The following PRKN variants were observed in gnomAD, a reference collection of about 807,000 sequenced individuals.
PRKN encodes parkin RBR E3 ubiquitin protein ligase.
A neutral mutation model predicts 59.5 loss-of-function variants in PRKN; 56 were observed. The ratio of observed to expected loss-of-function variants is 0.94; its 90% CI spans 0.76 to 1.18. PRKN has a LOEUF of 1.18. PRKN is among the 50% of genes most tolerant of loss of function. The pLI is 0.00. For missense variants in PRKN, 657 were observed against 596.4 expected, an observed-to-expected ratio of 1.10 and a Z score of -1.06; for synonymous variants, 250 against 222.1, an observed-to-expected ratio of 1.13 and a Z score of -1.12.
chr6:162,514,956 T>C (rs1051465673), intron 1 of PRKN, among the ~76,000 whole-genome samples: 7 of 152,114 alleles, frequency 4.6e-5, no homozygotes, highest in African/African-American at 1.4e-4. Flanking sequence ...TGTTTAAAAT[T>C]GCAAAATTGC....
intron 4 of PRKN, among the ~76,000 whole-genome samples, chr6:162,073,997 A>G (rs1339635536): frequency 6.6e-6 from 1 of 151,388 alleles, no homozygotes; most frequent in Non-Finnish European, 1.5e-5. Context: ...GCTGGAGAGG[A>G]TGTGGAGAAA....
intron 6 of PRKN, among the ~76,000 whole-genome samples, chr6:161,790,187 G>A (rs564386611): frequency 3.3e-5 from 5 of 152,314 alleles, no homozygotes; most frequent in Non-Finnish European, 1.5e-5. Flanking sequence ...AAAGAAACGG[G>A]AGGATTGATG....
At chr6:162,525,898 G>C (rs1778259954) in intron 1 of PRKN, among the ~76,000 whole-genome samples, 1 of 152,030 alleles carries the variant, frequency 6.6e-6, no homozygotes, top group Non-Finnish European at 1.5e-5. Flanking sequence ...CCATTGCCCA[G>C]GCTGGAGTGC....
intron 4 of PRKN, among the ~76,000 whole-genome samples, chr6:162,176,929 CT>C (rs5881458): frequency 1.5e-4 from 22 of 145,674 alleles, no homozygotes; most frequent in East Asian, 1.0e-3. Flanking sequence ...AATGAAATTC[CT>C]TTTTTTTTTT....
chr6:162,252,118 G>C (rs1779459839), intron 3 of PRKN, among the ~76,000 whole-genome samples: 1 of 152,178 alleles, frequency 6.6e-6, no homozygotes, highest in Non-Finnish European at 1.5e-5. Context: ...GAAGAAGCAA[G>C]TGTGCATAAA....
chr6:161,796,933 C>A (rs1489685737), intron 6 of PRKN, among the ~76,000 whole-genome samples: 3 of 152,218 alleles, frequency 2.0e-5, no homozygotes, highest in African/African-American at 7.2e-5. Flanking sequence ...ACTGCAAAAG[C>A]ATTCTGCTAA....
intron 3 of PRKN, among the ~76,000 whole-genome samples, chr6:162,246,940 G>A (rs560374357): frequency 3.9e-5 from 6 of 152,184 alleles, no homozygotes; most frequent in Admixed American, 3.9e-4. Flanking sequence ...TAGGTAATTT[G>A]TATTAAGGCT....
Position 161,395,888 on chromosome 6 carries a change from C to G in PRKN, c.1084-9011G>C, listed in dbSNP as rs544508764. Among the ~76,000 whole-genome samples the G allele has an allele frequency of 1.3e-5, 2 of 152,292 alleles. No homozygotes were observed. Among genetic ancestry groups the G allele is most frequent in the South Asian group, 4.1e-4 (2 of 4,828 alleles). The stretch of plus-strand genomic sequence containing the variant: ...ATCTGGCCCGCCTGCCAGGAAAGGA[C>G]TTGTAATGAATTTAAGCTCAGCGGC... On this transcript the variant is annotated intron_variant, in intron 9 of 11. Coordinates refer to ENST00000366898, the MANE Select transcript of PRKN (RefSeq NM_004562.3). This position sits in a 1 kb window ranked among gnomAD's most constrained non-coding sequence, Gnocchi z 5.0.
chr6:162,636,254 GA>G (rs34689944), intron 1 of PRKN, among the ~76,000 whole-genome samples: 95,091 of 149,012 alleles, frequency 0.64, 31,163 homozygotes, highest in African/African-American at 0.82. Flanking sequence ...CAAGTCAGTA[GA>G]AAAAAAAAAA....
At chr6:162,409,249 C>T (rs907349908) in intron 2 of PRKN, among the ~76,000 whole-genome samples, 4 of 151,926 alleles carry the variant, frequency 2.6e-5, no homozygotes, top group African/African-American at 9.7e-5. Context: ...ATGACAGCCT[C>T]AAACTCCTGG....
intron 1 of PRKN, among the ~76,000 whole-genome samples, chr6:162,514,844 C>T (rs1213574666): frequency 6.6e-6 from 1 of 152,012 alleles, no homozygotes; most frequent in African/African-American, 2.4e-5. Flanking sequence ...TAAAATTAGA[C>T]TAAAACTATA....
intron 3 of PRKN, among the ~76,000 whole-genome samples, chr6:162,261,257 A>G (rs780286401): frequency 6.6e-6 from 1 of 152,154 alleles, no homozygotes; most frequent in Non-Finnish European, 1.5e-5. Context: ...TTTCCCTTAC[A>G]AAAGGGTCAC....
At chr6:161,408,436 A>C (rs1787377784) in intron 9 of PRKN, among the ~76,000 whole-genome samples, 1 of 150,672 alleles carries the variant, frequency 6.6e-6, no homozygotes, top group Admixed American at 6.6e-5. Context: ...TGAGTCAAAA[A>C]TCCCATGTCC....
Position 162,498,508 on chromosome 6 carries a change from C to T in PRKN, c.8-55035G>A, listed in dbSNP as rs1164453172. On this transcript the variant is annotated intron_variant, in intron 1 of 11. Transcript: ENST00000366898. ...TTGCCCAGGCTGGAGTGCAATGGTG[C>T]GATCTCGGTTGACTGCAACCTCTGC... Among the ~76,000 whole-genome samples the T allele has an allele frequency of 1.7e-4, 21 of 121,850 alleles. No individual in the cohort carries two copies. In the East Asian group the frequency reaches 2.4e-3, roughly 14 times the overall value. 79.9% of individuals were successfully genotyped at this position (121,850 alleles called of 152,430 possible).
chr6:161,411,539 A>G (rs1027888918), intron 9 of PRKN, among the ~76,000 whole-genome samples: 2 of 152,164 alleles, frequency 1.3e-5, no homozygotes, highest in African/African-American at 4.8e-5. Context: ...TCTGGGGGCC[A>G]TGGCGACAGG....
chr6:162,136,476 A>C (rs1240652766), intron 4 of PRKN, among the ~76,000 whole-genome samples: 1 of 152,206 alleles, frequency 6.6e-6, no homozygotes, highest in African/African-American at 2.4e-5. Context: ...GCTAAGCGAT[A>C]TGTGTTGGCT....
intron 1 of PRKN, among the ~76,000 whole-genome samples, chr6:162,584,407 A>ACT (rs1299653921): frequency 1.3e-5 from 2 of 152,046 alleles, no homozygotes; most frequent in African/African-American, 2.4e-5. Flanking sequence ...TGAGAGGAAC[A>ACT]CTCTGTACAT....
rs117909145 is a variant in PRKN, at chr6:161,736,604, T to C, written c.871+49168A>G. Among the ~76,000 whole-genome samples, 12 of 152,284 alleles carry C rather than the reference T, an allele frequency of 7.9e-5. No individual in the cohort carries two copies. In the East Asian group the frequency reaches 2.3e-3, roughly 29 times the overall value. On this transcript the variant is annotated intron_variant, in intron 7 of 11. Transcript: ENST00000366898. The stretch of plus-strand genomic sequence containing the variant: ...GTCTAATCTCCTTGTCAACCAGGAT[T>C]GTTGGAAGGAAGAAGCCTTGTCTCT...
chr6:161,664,800 T>TG (rs946113504), intron 7 of PRKN, among the ~76,000 whole-genome samples: 5 of 151,638 alleles, frequency 3.3e-5, no homozygotes, highest in African/African-American at 1.2e-4. Context: ...TTTCTTTTTT[T>TG]TTTTTTGAGA....
Sources: gnomAD v4.1 joint callset for allele counts (sites outside exome capture counted in the v4.1 genomes callset) on GRCh38, gnomAD v4.1.1 for gene constraint, Gnocchi (gnomAD v3.1) non-coding constraint, MANE v1.5 for transcripts, NCBI Gene and HGNC (gene_info 2026-07-23, HGNC 2026-07-21) for gene names.